CCT6B: variants seen among roughly 807,000 people sequenced by gnomAD.
CCT6B encodes the protein chaperonin containing TCP1 subunit 6B.
CCT6B carries 49 observed loss-of-function variants against 61.5 expected under a neutral mutation model. The ratio of observed to expected loss-of-function variants is 0.80; its 90% CI spans 0.63 to 1.01. The LOEUF (loss-of-function observed/expected upper bound fraction) is 1.01, where lower values mean the gene tolerates loss of function less well. Ranked by LOEUF, CCT6B falls within the 50% of genes least tolerant of loss-of-function variation. The pLI, the probability that CCT6B is intolerant of heterozygous loss-of-function variation, is 0.00. For missense variants in CCT6B, 666 were observed against 634.7 expected, an observed-to-expected ratio of 1.05 and a Z score of -0.53; for synonymous variants, 228 against 214.5, an observed-to-expected ratio of 1.06 and a Z score of -0.55.
intron 10 of CCT6B, among the ~76,000 whole-genome samples, chr17:34,936,554 G>A (rs1282555963): frequency 6.6e-6 from 1 of 152,064 alleles, no homozygotes; most frequent in African/African-American, 2.4e-5. Flanking sequence ...CTATAAGAAA[G>A]CTAATTGTGA....
Position 34,929,022 on chromosome 17 carries a change from A to C in CCT6B, c.1463T>G (p.Val488Gly), listed in dbSNP as rs752889728. The change falls in exon 13 of 14, where the codon GTA becomes GGA. Residue 488 changes from valine to glycine, a missense_variant. By Grantham distance (109) the Val-to-Gly change is moderately radical. Coordinates refer to ENST00000314144, the MANE Select transcript of CCT6B (RefSeq NM_006584.4). ...GVDLNTGEPM[V>G]AADAGVWDNY... Reference sequence around the variant, plus strand: ...ATCCCAAACTCCTGCATCTGCTGCTACCATTGGCTCACCTGAAAAGTAAAA... The same window carrying C: ...ATCCCAAACTCCTGCATCTGCTGCTCCCATTGGCTCACCTGAAAAGTAAAA... 1.2e-6 allele frequency: 2 copies of C among 1,607,222 alleles called. No homozygotes were observed. Among genetic ancestry groups the C allele is most frequent in the Non-Finnish European group, 1.7e-6 (2 of 1,174,850 alleles).
Position 34,961,268 on chromosome 17 carries a change from G to A in CCT6B, c.126C>T (p.Gly42=), listed in dbSNP as rs1597771457. The A allele has an allele frequency of 6.2e-7, 1 of 1,605,350 alleles. No homozygotes were observed. Among genetic ancestry groups the A allele is most frequent in the Non-Finnish European group, 8.5e-7 (1 of 1,175,758 alleles). The change falls in exon 1 of 14, where the codon GGC becomes GGT. Residue 42 remains glycine, a synonymous_variant. Transcript: ENST00000314144. The part of the protein sequence containing the change: ...DVLRTNLGPK[G]TMKMLVSGAG... ...AACCGCTGTCTCACATTTTCATGGTGCCTTTAGGACCCAAGTTGGTCCGCA... is the reference window on the plus strand; with the variant it reads ...AACCGCTGTCTCACATTTTCATGGTACCTTTAGGACCCAAGTTGGTCCGCA...
chr17:34,956,981 TTA>T (rs947269143), intron 3 of CCT6B, among the ~76,000 whole-genome samples: 1 of 149,840 alleles, frequency 6.7e-6, no homozygotes, highest in Non-Finnish European at 1.5e-5. Context: ...TAATTTTTTT[TTA>T]TTATTTCTAA....
chr17:34,932,407 C>T lies in CCT6B; in HGVS notation c.1307G>A (p.Gly436Glu). Reference sequence around the variant, plus strand: ...TAAGGCATCAGCAAAAGCTTGGACTCCAAGACGAGCTCTTCCTTTTATACT... The same window carrying T: ...TAAGGCATCAGCAAAAGCTTGGACTTCAAGACGAGCTCTTCCTTTTATACT... ...KNSIKGRARL[G>E]VQAFADALLI... The change falls in exon 11 of 14, where the codon GGA (glycine) becomes GAA (glutamate). Residue 436 changes from glycine (G) to glutamate (E), a missense_variant. Physicochemically the swap from Gly to Glu is moderately conservative, Grantham distance 98. Transcript: ENST00000314144. 1 of 1,612,014 alleles carries T rather than the reference C, an allele frequency of 6.2e-7. No individual in the cohort carries two copies. The highest frequency in any genetic ancestry group is 8.5e-7 in the Non-Finnish European group (1 of 1,179,192).
At chr17:34,943,002 G>C in intron 5 of CCT6B, 96 bp from the exon 6 acceptor site, 1 of 682,128 alleles carries the variant, frequency 1.5e-6, no homozygotes, top group South Asian at 2.3e-5. Context: ...AATACTTCCA[G>C]GACACACATT....
intron 10 of CCT6B, among the ~76,000 whole-genome samples, chr17:34,933,359 A>G (rs762938536): frequency 6.6e-6 from 1 of 152,216 alleles, no homozygotes; most frequent in Non-Finnish European, 1.5e-5. Context: ...ATGGTTTCAT[A>G]AAGTTTATGA....
chr17:34,928,924 C>A lies in CCT6B; in HGVS notation c.1523+38G>T, dbSNP rs769644024. 6.2e-6 allele frequency: 7 copies of A among 1,129,408 alleles called. No individual in the cohort carries two copies. In the South Asian group the frequency reaches 8.0e-5, roughly 13 times the overall value. The allele number at this position is 1,129,408 out of a possible 1,614,324, so 70.0% of individuals were successfully genotyped here. A position where few individuals can be genotyped will look rare whatever the true frequency, so the allele number is the denominator to read the frequency against. The stretch of plus-strand genomic sequence containing the variant: ...TTCATCTTAATATTATCAATTATAA[C>A]TCTACAGGTCTTTCACTTTATGTTC... On this transcript the variant is annotated intron_variant, in intron 13 of 13. Coordinates refer to ENST00000314144, the MANE Select transcript of CCT6B (RefSeq NM_006584.4).
rs577435665 is a variant in CCT6B at position 34,936,157 on chromosome 17, C to T, written c.1213+3026G>A. 4.6e-5 allele frequency among the ~76,000 whole-genome samples: 7 copies of T among 152,164 alleles called. No individual in the cohort carries two copies. The East Asian group carries it at 1.4e-3, about 29-fold the overall frequency. On this transcript the variant is annotated intron_variant, in intron 10 of 13. Transcript: ENST00000314144. ...GTAGAGACAGTTTCACCATGTTGGC[C>T]AAGCTGGTCTTGAACTCCTGACCTC...
At chr17:34,957,102 C>A (rs1256932017) in intron 3 of CCT6B, among the ~76,000 whole-genome samples, 1 of 151,590 alleles carries the variant, frequency 6.6e-6, no homozygotes, top group Non-Finnish European at 1.5e-5. Context: ...AGCCACTGTG[C>A]CCAGCCAGTC....
chr17:34,933,592 A>G (rs1425874019), intron 10 of CCT6B, among the ~76,000 whole-genome samples: 1 of 152,202 alleles, frequency 6.6e-6, no homozygotes, highest in Non-Finnish European at 1.5e-5. Flanking sequence ...AAGAATATTT[A>G]TATGTATGAT....
chr17:34,934,389 C>A (rs182449019), intron 10 of CCT6B, among the ~76,000 whole-genome samples: 12 of 152,270 alleles, frequency 7.9e-5, no homozygotes, highest in African/African-American at 2.9e-4. Flanking sequence ...TAATATTTTT[C>A]AGGCCATACC....
At chr17:34,952,694 C>A (rs151099619) in intron 4 of CCT6B, among the ~76,000 whole-genome samples, 4 of 152,124 alleles carry the variant, frequency 2.6e-5, no homozygotes, top group Non-Finnish European at 5.9e-5. Flanking sequence ...TAGCACAACA[C>A]GTCTTATTGC....
chr17:34,929,654 T>C (rs756444168), intron 12 of CCT6B, among the ~76,000 whole-genome samples: 14 of 151,780 alleles, frequency 9.2e-5, no homozygotes, highest in Non-Finnish European at 1.8e-4. Flanking sequence ...GCTGGGATTA[T>C]AGGGGCCTGC....
In CCT6B at chr17:34,959,503, G is replaced by C. The variant is rs543054220; in HGVS notation, c.201+84C>G. ...TCAAGACTGCAGTATTTAGCTCACA[G>C]CCTTGGCTTAAAGATACACAAGTTC... is the stretch of plus-strand genomic sequence containing the variant. On this transcript the variant is annotated intron_variant, in intron 2 of 13. Transcript: ENST00000314144. The C allele has an allele frequency of 2.4e-4, 239 of 999,248 alleles. 1 individual carries two copies. Among genetic ancestry groups the C allele is most frequent in the African/African-American group, 2.3e-3 (147 of 63,398 alleles). The allele number at this position is 999,248 out of a possible 1,614,324, so 61.9% of individuals were successfully genotyped here.
At chr17:34,940,475 C>T (rs1215939255) in intron 8 of CCT6B, 64 bp downstream of exon 8, 6 of 855,476 alleles carry the variant, frequency 7.0e-6, no homozygotes, top group Non-Finnish European at 1.1e-5. Context: ...AAAAGGAAAA[C>T]ACATGGGATA....
chr17:34,946,241 T>C (rs753080951), intron 5 of CCT6B, among the ~76,000 whole-genome samples: 5 of 152,258 alleles, frequency 3.3e-5, no homozygotes, highest in Admixed American at 1.3e-4. Context: ...AGCTTCATTC[T>C]AGGTCTCAAA....
chr17:34,939,774 G>A (rs1474895631), intron 8 of CCT6B, 61 bp from the exon 9 acceptor site: 6 of 1,029,668 alleles, frequency 5.8e-6, no homozygotes, highest in African/African-American at 1.6e-5. Context: ...TAATTTCTCA[G>A]AGAGAAGATA....
intron 2 of CCT6B, among the ~76,000 whole-genome samples, 164 bp from the exon 3 acceptor site, chr17:34,958,858 A>C (rs529044494): frequency 8.5e-5 from 13 of 152,336 alleles, no homozygotes; most frequent in Admixed American, 7.2e-4. Context: ...GTCAAGTCCA[A>C]AATTTTAAAA....
Position 34,958,670 on chromosome 17 carries a change from A to G in CCT6B, c.226T>C (p.Leu76=). ...EMQIQHPTAS[L]IAKVATAQDD... is the part of the protein sequence containing the mutation. ...TGAGCTGTTGCTACTTTTGCTATCA[A>G]GGAAGCTGTTGGATGTTGAATTTGC... is the stretch of plus-strand genomic sequence containing the variant. The change falls in exon 3 of 14, where the codon TTG becomes CTG. Residue 76 remains leucine, a synonymous_variant. Transcript: ENST00000314144. 1 of 1,602,004 alleles carries G rather than the reference A, an allele frequency of 6.2e-7. No individual in the cohort carries two copies. The highest frequency in any genetic ancestry group is 8.5e-7 in the Non-Finnish European group (1 of 1,174,760).
Sources: gnomAD v4.1 joint callset for allele counts (sites outside exome capture counted in the v4.1 genomes callset) on GRCh38, gnomAD v4.1.1 for gene constraint, MANE v1.5 for transcripts, NCBI Gene and HGNC (gene_info 2026-07-23, HGNC 2026-07-21) for gene names.